The following MID1 variants were observed in gnomAD, a reference collection of about 807,000 sequenced individuals.
MID1 encodes the protein midline 1.
Under a neutral mutation model 40.4 loss-of-function variants are expected in MID1, and 7 were observed. The ratio of observed to expected loss-of-function variants is 0.17; its 90% CI spans 0.10 to 0.33. The LOEUF is 0.33. MID1 is among the 10% of genes least tolerant of loss of function. The pLI, the probability that MID1 is intolerant of heterozygous loss-of-function variation, is 1.00. For synonymous variants in MID1, 229 were observed against 221.2 expected (o/e 1.04, Z -0.31); for missense variants, 367 against 558.5 (o/e 0.66, Z 3.46).
intron 2 of MID1, among the ~76,000 whole-genome samples, chrX:10,552,988 A>G (rs1486964554): frequency 8.9e-6 from 1 of 111,802 alleles, no homozygotes; most frequent in Non-Finnish European, 1.9e-5. Context: ...GTGGCTCATG[A>G]TGTAATCCCA....
intron 2 of MID1, among the ~76,000 whole-genome samples, chrX:10,566,522 CCTCTCTCTCCCT>C (rs764631225): frequency 2.6e-3 from 211 of 82,140 alleles, no homozygotes; most frequent in Non-Finnish European, 3.7e-3. Context: ...CCTCTCTCTC[CCTCTCTCTCCCT>C]CTCTCTCTCT....
chrX:10,686,079 T>C (rs764794240), intron 1 of MID1, among the ~76,000 whole-genome samples: 2 of 111,451 alleles, frequency 1.8e-5, no homozygotes, highest in Non-Finnish European at 3.8e-5. Context: ...ATGTGAGCCA[T>C]CTGGGAATCT....
chrX:10,742,979 A>T (rs1422865613), intron 1 of MID1, among the ~76,000 whole-genome samples: 1 of 112,819 alleles, frequency 8.9e-6, no homozygotes, highest in Non-Finnish European at 1.9e-5. Flanking sequence ...ATCCATTTCA[A>T]AAGTCTTCCT....
chrX:10,679,531 G>A (rs774319417), intron 1 of MID1, among the ~76,000 whole-genome samples: 2 of 111,802 alleles, frequency 1.8e-5, no homozygotes, highest in South Asian at 3.8e-4. Flanking sequence ...AGCCATGTCC[G>A]TTCATTTGAG....
chrX:10,822,733 A>G (rs1300775310), intron 1 of MID1, among the ~76,000 whole-genome samples: 1 of 112,252 alleles, frequency 8.9e-6, no homozygotes, highest in Admixed American at 9.4e-5. Context: ...GCTCAACATC[A>G]CTGATCAAGA....
At chrX:10,719,929 C>G (rs1174027859) in intron 1 of MID1, among the ~76,000 whole-genome samples, 1 of 111,379 alleles carries the variant, frequency 9.0e-6, no homozygotes, top group South Asian at 3.8e-4. Flanking sequence ...ACAAACCTGA[C>G]AAAAACAAGA....
chrX:10,656,960 C>T (rs2042878678), intron 1 of MID1, among the ~76,000 whole-genome samples: 1 of 110,668 alleles, frequency 9.0e-6, no homozygotes, highest in Non-Finnish European at 1.9e-5. Context: ...GCCCAGTAGC[C>T]TGACATCCAA....
At chrX:10,762,321 C>T (rs1474548584) in intron 1 of MID1, among the ~76,000 whole-genome samples, 1 of 111,283 alleles carries the variant, frequency 9.0e-6, no homozygotes, top group Non-Finnish European at 1.9e-5. Flanking sequence ...TAAAGTCTAC[C>T]ATTCTTTTTG....
chrX:10,668,393 T>C (rs2042963580), intron 1 of MID1, among the ~76,000 whole-genome samples: 2 of 112,381 alleles, frequency 1.8e-5, no homozygotes, highest in Non-Finnish European at 3.7e-5. Flanking sequence ...GTTGTGAAAA[T>C]ATAAGGCTTA....
chrX:10,588,556 TG>T (rs1411460535), intron 1 of MID1, among the ~76,000 whole-genome samples: 1 of 110,500 alleles, frequency 9.0e-6, no homozygotes, highest in Non-Finnish European at 1.9e-5. Flanking sequence ...GGTATACTGT[TG>T]TTTTTTTTTT....
At chrX:10,771,863 C>T (rs1434571461) in intron 1 of MID1, among the ~76,000 whole-genome samples, 1 of 109,358 alleles carries the variant, frequency 9.1e-6, no homozygotes, top group East Asian at 2.8e-4. Flanking sequence ...TTAAGCAATC[C>T]AAAAATTTTA....
intron 3 of MID1, among the ~76,000 whole-genome samples, chrX:10,520,052 T>C (rs73477257): frequency 0.015 from 1,738 of 112,316 alleles, 29 homozygotes; most frequent in African/African-American, 0.049. Flanking sequence ...CTGACAAACA[T>C]CATTGTGTTG....
At chrX:10,675,362 AAAC>A (rs1439443110) in intron 1 of MID1, among the ~76,000 whole-genome samples, 1 of 111,948 alleles carries the variant, frequency 8.9e-6, no homozygotes, top group Non-Finnish European at 1.9e-5. Flanking sequence ...CTCAGGGCAA[AAAC>A]AACAACAAAG....
chrX:10,732,878 T>C (rs951181707), intron 1 of MID1, among the ~76,000 whole-genome samples: 79 of 104,337 alleles, frequency 7.6e-4, no homozygotes, highest in Non-Finnish European at 1.1e-3. Flanking sequence ...TTTTTTTTTT[T>C]TTTTGAGAGG....
intron 7 of MID1, among the ~76,000 whole-genome samples, chrX:10,465,212 TATACACACACACACACACACACACAC>T (rs1190410379): frequency 1.8e-5 from 1 of 56,048 alleles, no homozygotes; most frequent in Non-Finnish European, 3.0e-5. Flanking sequence ...TATATATATA[TATACACACACACACACACACACACAC>T]ACACACACAC....
At chrX:10,566,639 T>C (rs1040114240) in intron 2 of MID1, among the ~76,000 whole-genome samples, 1 of 109,453 alleles carries the variant, frequency 9.1e-6, no homozygotes, top group African/African-American at 3.4e-5. Flanking sequence ...ACTGCATGGA[T>C]TGAAAATGAT....
chrX:10,544,968 T>G (rs1158192735), intron 2 of MID1, among the ~76,000 whole-genome samples: 1 of 112,011 alleles, frequency 8.9e-6, no homozygotes, highest in Non-Finnish European at 1.9e-5. Flanking sequence ...TTTGTTTTGT[T>G]TTTCCTGAGA....
At chrX:10,638,078 C>T (rs1936140902) in intron 1 of MID1, among the ~76,000 whole-genome samples, 1 of 112,003 alleles carries the variant, frequency 8.9e-6, no homozygotes, top group South Asian at 3.7e-4. Flanking sequence ...GGATATTGGC[C>T]TTGTCATCCA....
chrX:10,555,857 C>T (rs148982704), intron 2 of MID1, among the ~76,000 whole-genome samples: 204 of 110,910 alleles, frequency 1.8e-3, no homozygotes, highest in African/African-American at 6.4e-3. Flanking sequence ...CTATTCTAGG[C>T]ACCCTGCACA....
Sources: gnomAD v4.1 joint callset for allele counts (sites outside exome capture counted in the v4.1 genomes callset) on GRCh38, gnomAD v4.1.1 for gene constraint, MANE v1.5 for transcripts, NCBI Gene and HGNC (gene_info 2026-07-23, HGNC 2026-07-21) for gene names.